CACNA1C: variants seen among roughly 807,000 people sequenced by gnomAD.
The protein encoded by CACNA1C is voltage-dependent L-type calcium channel subunit alpha-1C.
CACNA1C carries 30 observed loss-of-function variants against 229.0 expected under a neutral mutation model. That is an observed-to-expected ratio of 0.13 (90% confidence interval 0.10 to 0.18). The LOEUF (loss-of-function observed/expected upper bound fraction) is 0.18, where lower values mean the gene tolerates loss of function less well. Ranked by LOEUF, CACNA1C falls within the 10% of genes least tolerant of loss-of-function variation. The pLI, the probability that CACNA1C is intolerant of heterozygous loss-of-function variation, is 1.00. For missense variants in CACNA1C, 1,658 were observed against 2,845.0 expected (o/e 0.58, Z 9.49); for synonymous variants, 1,114 against 1,132.5 (o/e 0.98, Z 0.33).
chr12:2,653,862 G>A lies in CACNA1C; in HGVS notation c.4102G>A (p.Val1368Met), dbSNP rs1234874360. ...QALPYVALLI[V>M]MLFFIYAVIG... ...CCTGCCCTATGTGGCCCTCCTGATC[G>A]TGATGCTGTTCTTCATCTACGCGGT... is the stretch of plus-strand genomic sequence containing the variant. The change falls in exon 33 of 47, where the codon GTG becomes ATG. Residue 1368 changes from valine to methionine, a missense_variant. Coordinates refer to ENST00000399655, the MANE Select transcript of CACNA1C (RefSeq NM_000719.7). The surrounding 1 kb of genome is among the most constrained non-coding windows in gnomAD (Gnocchi z 4.7). The A allele has an allele frequency of 1.9e-6, 3 of 1,613,762 alleles. No homozygotes were observed. The highest frequency in any genetic ancestry group is 1.3e-5 in the African/African-American group (1 of 74,892).
chr12:2,061,534 C>T (rs1179095759), intron 1 of CACNA1C, among the ~76,000 whole-genome samples: 3 of 110,402 alleles, frequency 2.7e-5, no homozygotes. Context: ...GACGGTGGAG[C>T]CATGTGCACT....
chr12:2,183,639 G>T (rs919492969), intron 3 of CACNA1C, among the ~76,000 whole-genome samples: 1 of 152,216 alleles, frequency 6.6e-6, no homozygotes, highest in African/African-American at 2.4e-5. Flanking sequence ...TCCTCTCATG[G>T]TATGTGCTAG....
intron 3 of CACNA1C, among the ~76,000 whole-genome samples, chr12:2,331,354 G>T (rs2096542041): frequency 6.6e-6 from 1 of 152,166 alleles, no homozygotes; most frequent in African/African-American, 2.4e-5. Flanking sequence ...AGCAATATGT[G>T]AGTCTAGCAT....
chr12:1,974,858 A>G (rs1278142440), intron 1 of CACNA1C, among the ~76,000 whole-genome samples: 2 of 152,186 alleles, frequency 1.3e-5, no homozygotes, highest in Non-Finnish European at 2.9e-5. Flanking sequence ...TTTTTGAGAA[A>G]GCTATGTTTA....
In CACNA1C at chr12:2,275,534, G is replaced by A. The variant is rs891893987; in HGVS notation, c.477+155104G>A. The stretch of plus-strand genomic sequence containing the variant: ...CTGTCCCCCAGCTCGCAACCCCCAC[G>A]CAGCCCCACCCTTGACCTGCCACCT... On this transcript the variant is annotated intron_variant, in intron 3 of 46. Coordinates refer to ENST00000399655, the MANE Select transcript of CACNA1C (RefSeq NM_000719.7). The surrounding 1 kb of genome is among the most constrained non-coding windows in gnomAD (Gnocchi z 4.1). Among the ~76,000 whole-genome samples the A allele has an allele frequency of 4.0e-5, 6 of 150,962 alleles. No individual in the cohort carries two copies. Among genetic ancestry groups the A allele is most frequent in the East Asian group, 3.9e-4 (2 of 5,128 alleles).
Position 2,630,143 on chromosome 12 carries a change from A to T in CACNA1C, c.3829-4154A>T, listed in dbSNP as rs1430082238. 6.6e-6 allele frequency among the ~76,000 whole-genome samples: 1 copy of T among 152,124 alleles called. No homozygotes were observed. Among genetic ancestry groups the T allele is most frequent in the African/African-American group, 2.4e-5 (1 of 41,404 alleles). On this transcript the variant is annotated intron_variant, in intron 29 of 46. Transcript: ENST00000399655. The surrounding 1 kb of genome is among the most constrained non-coding windows in gnomAD (Gnocchi z 5.4). ...TGCCACTTCAAGGAGAGCCAGGAAAACCCTTTCTCCAACCCCTTACTTCTC... is the reference window on the plus strand; with the variant it reads ...TGCCACTTCAAGGAGAGCCAGGAAATCCCTTTCTCCAACCCCTTACTTCTC...
At chr12:2,093,397 C>T (rs1048238694) in intron 1 of CACNA1C, among the ~76,000 whole-genome samples, 1 of 152,184 alleles carries the variant, frequency 6.6e-6, no homozygotes, top group Non-Finnish European at 1.5e-5. Context: ...TGGAATGAGA[C>T]AGGACTCTGC....
chr12:2,572,308 C>CCTT (rs1332205510), intron 13 of CACNA1C, among the ~76,000 whole-genome samples: 1 of 119,880 alleles, frequency 8.3e-6, no homozygotes, highest in Non-Finnish European at 1.8e-5. Flanking sequence ...TCCTCCTCCT[C>CCTT]CTCCTCCTCC....
chr12:2,263,651 G>C (rs1009996729), intron 3 of CACNA1C, among the ~76,000 whole-genome samples: 13 of 152,042 alleles, frequency 8.6e-5, no homozygotes, highest in African/African-American at 2.9e-4. Context: ...CTAGATCCTT[G>C]ATACATTCTA....
chr12:2,134,458 C>T (rs2092960912), intron 3 of CACNA1C, among the ~76,000 whole-genome samples: 5 of 119,564 alleles, frequency 4.2e-5, no homozygotes, highest in Admixed American at 8.9e-5. Context: ...TTGTTCCTTT[C>T]CATGTTTAGC....
At chr12:2,058,880 C>T (rs1272799055) in intron 1 of CACNA1C, among the ~76,000 whole-genome samples, 5 of 152,184 alleles carry the variant, frequency 3.3e-5, no homozygotes, top group African/African-American at 1.2e-4. Context: ...GAGCTCTTCT[C>T]TGTGTTTTAA....
At chr12:2,483,929 C>T (rs1394029208) in intron 5 of CACNA1C, among the ~76,000 whole-genome samples, 2 of 152,198 alleles carry the variant, frequency 1.3e-5, no homozygotes, top group African/African-American at 4.8e-5. Context: ...CTCACCAGCG[C>T]TCCAGGACAG....
chr12:2,473,733 C>G (rs1477640082), intron 5 of CACNA1C, among the ~76,000 whole-genome samples: 1 of 152,094 alleles, frequency 6.6e-6, no homozygotes, highest in Non-Finnish European at 1.5e-5. Flanking sequence ...GCATTTTCCC[C>G]CACTAAATCC....
intron 1 of CACNA1C, among the ~76,000 whole-genome samples, chr12:2,097,142 A>ATTTT (rs2074341729): frequency 6.6e-6 from 1 of 152,120 alleles, no homozygotes; most frequent in African/African-American, 2.4e-5. Flanking sequence ...TAATTTTTAA[A>ATTTT]TTTTTATTTA....
Position 2,193,175 on chromosome 12 carries a change from C to T in CACNA1C, c.477+72745C>T, listed in dbSNP as rs1234933536. Among the ~76,000 whole-genome samples, 3 of 152,356 alleles carry T rather than the reference C, an allele frequency of 2.0e-5. No homozygotes were observed. The East Asian group carries it at 5.8e-4, about 29-fold the overall frequency. Reference sequence around the variant, plus strand: ...CTGGTTGAAACTTGTCACGTCAAGGCCGGGTGCAGAGGCCCATGCCTGAAA... The same window carrying T: ...CTGGTTGAAACTTGTCACGTCAAGGTCGGGTGCAGAGGCCCATGCCTGAAA... On this transcript the variant is annotated intron_variant, in intron 3 of 46. Transcript: ENST00000399655.
At chr12:2,005,702 G>A (rs1018838581) in intron 1 of CACNA1C, among the ~76,000 whole-genome samples, 14 of 152,164 alleles carry the variant, frequency 9.2e-5, no homozygotes, top group African/African-American at 3.4e-4. Context: ...TCAAAGATCT[G>A]CTTAACTCAG....
intron 3 of CACNA1C, among the ~76,000 whole-genome samples, chr12:2,197,911 T>C (rs981420782): frequency 6.6e-6 from 1 of 152,250 alleles, no homozygotes; most frequent in African/African-American, 2.4e-5. Context: ...TGTTAAGAGA[T>C]GATTTCCAAA....
chr12:2,261,124 C>T (rs895496562), intron 3 of CACNA1C, among the ~76,000 whole-genome samples: 5 of 151,674 alleles, frequency 3.3e-5, no homozygotes, highest in African/African-American at 1.2e-4. Flanking sequence ...CCCAGCTACT[C>T]GGAAGGCTGA....
intron 3 of CACNA1C, among the ~76,000 whole-genome samples, chr12:2,423,334 G>A (rs1407891314): frequency 6.6e-6 from 1 of 152,158 alleles, no homozygotes; most frequent in Non-Finnish European, 1.5e-5. Flanking sequence ...AGAAATTAAA[G>A]CTAAGTAAAG....
Sources: gnomAD v4.1 joint callset for allele counts (sites outside exome capture counted in the v4.1 genomes callset) on GRCh38, gnomAD v4.1.1 for gene constraint, Gnocchi (gnomAD v3.1) non-coding constraint, MANE v1.5 for transcripts, NCBI Gene and HGNC (gene_info 2026-07-23, HGNC 2026-07-21) for gene names.